The following WDR62 variants were observed in gnomAD, a reference collection of about 807,000 sequenced individuals.
WDR62 encodes WD repeat-containing protein 62.
In WDR62, 112 loss-of-function variants were observed where a neutral mutation model predicts 160.6. That is an observed-to-expected ratio of 0.70 (90% CI 0.60 to 0.82). The LOEUF (loss-of-function observed/expected upper bound fraction) is 0.82. Ranked by LOEUF, WDR62 falls within the 40% of genes least tolerant of loss-of-function variation. The pLI, the probability that WDR62 is intolerant of heterozygous loss-of-function variation, is 0.00. For missense variants in WDR62, 1,819 were observed against 1,983.8 expected (o/e 0.92, Z 1.58); for synonymous variants, 792 against 815.1 (o/e 0.97, Z 0.48).
intron 3 of WDR62, among the ~76,000 whole-genome samples, chr19:36,062,918 T>C (rs1478191056): frequency 6.6e-6 from 1 of 151,962 alleles, no homozygotes; most frequent in South Asian, 2.1e-4. Flanking sequence ...CTGACGTGGC[T>C]CCTCTGTCTT....
chr19:36,071,585 C>T lies in WDR62; in HGVS notation c.912C>T (p.Ser304=), dbSNP rs748719337. ...CCCTGTCTTCCTGCCTCTGTGTCAG[C>T]CAGGAGCTCATCTTCTGTGGCTGCA... ...KVSLSSCLCV[S]QELIFCGCTD... The change falls in exon 8 of 32, where the codon AGC becomes AGT. Residue 304 remains serine (S), a synonymous_variant. Transcript: ENST00000401500. 3 of 1,614,140 alleles carry T rather than the reference C, an allele frequency of 1.9e-6. No homozygotes were observed. Among genetic ancestry groups the T allele is most frequent in the Admixed American group, 3.3e-5 (2 of 60,018 alleles).
intron 5 of WDR62, among the ~76,000 whole-genome samples, chr19:36,066,755 C>G (rs958755113): frequency 6.6e-6 from 1 of 152,158 alleles, no homozygotes; most frequent in East Asian, 1.9e-4. Flanking sequence ...TTGATAAGCA[C>G]TGGAAGGCTG....
At chr19:36,100,614 G>A in intron 22 of WDR62, 134 bp from the exon 23 acceptor site, 1 of 1,333,722 alleles carries the variant, frequency 7.5e-7, no homozygotes, top group Non-Finnish European at 1.1e-6. Flanking sequence ...AGGACAAGCT[G>A]GTTGCGAGTG....
chr19:36,081,368 A>C (rs1048397699), intron 9 of WDR62, 65 bp from the exon 10 acceptor site: 1 of 1,591,334 alleles, frequency 6.3e-7, no homozygotes, highest in African/African-American at 1.4e-5. Flanking sequence ...TTTCCATGAA[A>C]ATGCAACAGT....
intron 31 of WDR62, 26 bp from the exon 32 acceptor site, chr19:36,104,742 C>G: frequency 6.2e-7 from 1 of 1,613,796 alleles, no homozygotes. Flanking sequence ...CTTGGTGGCC[C>G]CTGACAAGGC....
chr19:36,083,079 T>C lies in WDR62; in HGVS notation c.1388T>C (p.Val463Ala). 1 of 1,612,780 alleles carries C rather than the reference T, an allele frequency of 6.2e-7. No individual in the cohort carries two copies. The highest frequency in any genetic ancestry group is 2.2e-5 in the East Asian group (1 of 44,876). Residue 463 changes from valine (V) to alanine (A), a missense_variant, in exon 11 of 32, where the codon GTG becomes GCG. By Grantham distance (64) the Val-to-Ala change is moderately conservative. Coordinates refer to ENST00000401500, the MANE Select transcript of WDR62 (RefSeq NM_001083961.2). Reference protein sequence around the residue: ...NIFSNTLLKVVYVENDIQHLQ... With the variant: ...NIFSNTLLKVAYVENDIQHLQ... ...TTCCTGCAGACCCTGCTGAAGGTCG[T>C]GTACGTGGAGAATGACATCCAGCAC...
rs376561037 is a variant in WDR62 at position 36,100,621 on chromosome 19, A to G, written c.2740-127A>G. 1.4e-4 allele frequency: 192 copies of G among 1,406,358 alleles called. 1 individual carries two copies. The East Asian group carries it at 3.9e-3, about 29-fold the overall frequency. 87.1% of individuals were successfully genotyped at this position (1,406,358 alleles called of 1,614,324 possible). A position where few individuals can be genotyped will look rare whatever the true frequency, so the allele number is the denominator to read the frequency against. On this transcript the variant is annotated intron_variant, in intron 22 of 31. Coordinates refer to ENST00000401500, the MANE Select transcript of WDR62 (RefSeq NM_001083961.2). ...GGCAGACCAGGACAAGCTGGTTGCG[A>G]GTGGAGGGCATGGCACAGGCCCTGG...
At chr19:36,099,082 TGTG>T (rs111376332) in intron 21 of WDR62, among the ~76,000 whole-genome samples, 5 of 151,624 alleles carry the variant, frequency 3.3e-5, no homozygotes, top group Admixed American at 6.6e-5. Flanking sequence ...ATTAGCCAGG[TGTG>T]GTGGTGGGCA....
At chr19:36,079,718 G>A (rs1971779859) in intron 9 of WDR62, among the ~76,000 whole-genome samples, 1 of 152,190 alleles carries the variant, frequency 6.6e-6, no homozygotes, top group Non-Finnish European at 1.5e-5. Flanking sequence ...TCCTGTTGCT[G>A]GGTCTGTCAG....
chr19:36,084,775 C>A, intron 12 of WDR62, 31 bp downstream of exon 12: 1 of 1,602,448 alleles, frequency 6.2e-7, no homozygotes, highest in Non-Finnish European at 8.5e-7. Context: ...GAATGGGGGT[C>A]AGGCAGGGAG....
chr19:36,094,483 G>A (rs917507239), intron 20 of WDR62, among the ~76,000 whole-genome samples: 1 of 151,924 alleles, frequency 6.6e-6, no homozygotes, highest in Non-Finnish European at 1.5e-5. Context: ...GAACCTGGGA[G>A]GCAGAGGTTG....
chr19:36,072,944 G>C (rs1038758309), intron 8 of WDR62, among the ~76,000 whole-genome samples: 40 of 152,166 alleles, frequency 2.6e-4, no homozygotes, highest in African/African-American at 9.2e-4. Flanking sequence ...CAGGCCAAGG[G>C]ACAGCTCCCC....
chr19:36,089,438 G>GT (rs926432301), intron 15 of WDR62, 132 bp downstream of exon 15: 1,197 of 1,426,464 alleles, frequency 8.4e-4, no homozygotes, highest in African/African-American at 2.5e-3. Context: ...TTCCTTCTTG[G>GT]TTTTTTTTTG....
At chr19:36,055,647 T>C (rs938448930) in intron 1 of WDR62, among the ~76,000 whole-genome samples, 1 of 152,210 alleles carries the variant, frequency 6.6e-6, no homozygotes, top group Non-Finnish European at 1.5e-5. Flanking sequence ...TAATCCATAT[T>C]GTCACTCAAA....
rs996863777 is a variant in WDR62, at chr19:36,069,428, C to T, written c.882+1418C>T. ...GCAGAGGCGCTCCCCGCATCTCAGA[C>T]GATGGGCGGCCGGGCAGAGACGCTC... On this transcript the variant is annotated intron_variant, in intron 7 of 31. Transcript: ENST00000401500. 5.6e-4 allele frequency among the ~76,000 whole-genome samples: 83 copies of T among 147,542 alleles called. 2 individuals carry two copies. Among genetic ancestry groups the T allele is most frequent in the Middle Eastern group, 7.4e-3 (2 of 270 alleles).
Position 36,060,050 on chromosome 19 carries a change from C to G in WDR62, c.332+20C>G, listed in dbSNP as rs749964350. The G allele has an allele frequency of 3.1e-6, 5 of 1,613,876 alleles. No homozygotes were observed. The African/African-American group carries it at 5.3e-5, about 17-fold the overall frequency. On this transcript the variant is annotated intron_variant, in intron 3 of 31. Coordinates refer to ENST00000401500, the MANE Select transcript of WDR62 (RefSeq NM_001083961.2). ...CGCCAGGTAGGCTGAGGCCTGGGCCCGGGGCAGGGGTGGAACCAGGGGCTT... is the reference window on the plus strand; with the variant it reads ...CGCCAGGTAGGCTGAGGCCTGGGCCGGGGGCAGGGGTGGAACCAGGGGCTT...
downstream of WDR62, among the ~76,000 whole-genome samples, chr19:36,106,636 A>G (rs111546648): frequency 3.8e-3 from 579 of 152,336 alleles, 4 homozygotes; most frequent in African/African-American, 0.013. Flanking sequence ...GCCAGTGCAC[A>G]GGCCTGGGGC....
chr19:36,073,938 C>T, intron 9 of WDR62: 1 of 357,162 alleles, frequency 2.8e-6, no homozygotes, highest in Non-Finnish European at 5.5e-6. Flanking sequence ...GGCCCTGCGG[C>T]AGGAACATGC....
chr19:36,086,237 G>A (rs1972222346), intron 12 of WDR62, among the ~76,000 whole-genome samples: 1 of 152,096 alleles, frequency 6.6e-6, no homozygotes, highest in Non-Finnish European at 1.5e-5. Context: ...GAGTAGGGAA[G>A]GCTGGTGGCA....
Sources: gnomAD v4.1 joint callset for allele counts (sites outside exome capture counted in the v4.1 genomes callset) on GRCh38, gnomAD v4.1.1 for gene constraint, MANE v1.5 for transcripts, NCBI Gene and HGNC (gene_info 2026-07-23, HGNC 2026-07-21) for gene names.